The following TARS1 variants were observed in gnomAD, a reference collection of about 807,000 sequenced individuals.
TARS1 encodes threonine--tRNA ligase 1, cytoplasmic.
In TARS1, 57 loss-of-function variants were observed where a neutral mutation model predicts 97.7. The observed-to-expected ratio is 0.58, with a 90% CI of 0.47 to 0.73. TARS1 has a LOEUF of 0.73. Ranked by LOEUF, TARS1 falls within the 30% of genes least tolerant of loss-of-function variation. The probability of loss-of-function intolerance (pLI) is 0.00; values close to 1 mark genes in which losing one functional copy is unlikely to be tolerated. For missense variants in TARS1, 806 were observed against 888.3 expected (o/e 0.91, Z 1.18); for synonymous variants, 312 against 293.7 (o/e 1.06, Z -0.64).
chr5:33,444,276 G>T (rs1350681292), intron 1 of TARS1, among the ~76,000 whole-genome samples: 1 of 152,212 alleles, frequency 6.6e-6, no homozygotes, highest in African/African-American at 2.4e-5. Flanking sequence ...GGAGTAAACT[G>T]CTAATGGGTA....
intron 4 of TARS1, among the ~76,000 whole-genome samples, 158 bp downstream of exon 4, chr5:33,453,570 A>G (rs1488949963): frequency 1.3e-5 from 2 of 152,212 alleles, no homozygotes; most frequent in African/African-American, 4.8e-5. Flanking sequence ...GGAACATAAT[A>G]AAAGTGCTTG....
At chr5:33,444,790 C>T (rs1741325260) in intron 1 of TARS1, among the ~76,000 whole-genome samples, 1 of 152,046 alleles carries the variant, frequency 6.6e-6, no homozygotes. Context: ...GACATCTAAT[C>T]GTAGCGTTAC....
chr5:33,466,681 T>A (rs1742541655), intron 17 of TARS1, 190 bp from the exon 18 acceptor site: 1 of 420,244 alleles, frequency 2.4e-6, no homozygotes, highest in African/African-American at 2.1e-5. Flanking sequence ...CCTGAGGTAA[T>A]AAAGAGGAGC....
intron 2 of TARS1, chr5:33,446,480 A>G: frequency 5.3e-6 from 2 of 378,618 alleles, no homozygotes; most frequent in Non-Finnish European, 1.1e-5. Flanking sequence ...TAAGACAAAG[A>G]GTATAATTAG....
At chr5:33,452,668 T>C (rs753961953) in intron 3 of TARS1, among the ~76,000 whole-genome samples, 2 of 152,306 alleles carry the variant, frequency 1.3e-5, no homozygotes, top group Admixed American at 6.5e-5. Context: ...AATATTATCA[T>C]AGGCATTTGC....
chr5:33,451,875 C>T (rs1240695175), intron 3 of TARS1, among the ~76,000 whole-genome samples: 1 of 152,118 alleles, frequency 6.6e-6, no homozygotes, highest in Non-Finnish European at 1.5e-5. Context: ...CTTTAATCTC[C>T]TGAAAACTGT....
intron 1 of TARS1, 106 bp downstream of exon 1, chr5:33,441,249 C>A: frequency 7.2e-7 from 1 of 1,397,318 alleles, no homozygotes; most frequent in African/African-American, 1.4e-5. Context: ...CGGCCGGGAC[C>A]GCGTGGGTCG....
In TARS1 at chr5:33,455,716, C is replaced by A; in HGVS notation, c.693+12C>A. On this transcript the variant is annotated intron_variant, in intron 6 of 18. Transcript: ENST00000265112. ...TGGCAATGTTTAAGGTAAATTGAACCATAGTGCGTGGCCCCCACTGTTAAT... is the reference window on the plus strand; with the variant it reads ...TGGCAATGTTTAAGGTAAATTGAACAATAGTGCGTGGCCCCCACTGTTAAT... 6.5e-7 allele frequency: 1 copy of A among 1,537,150 alleles called. No individual in the cohort carries two copies. The highest frequency in any genetic ancestry group is 1.1e-5 in the South Asian group (1 of 88,814).
intron 1 of TARS1, among the ~76,000 whole-genome samples, chr5:33,443,277 T>G (rs1043113006): frequency 2.9e-5 from 4 of 138,458 alleles, no homozygotes; most frequent in Non-Finnish European, 6.1e-5. Flanking sequence ...GGAGCCGTAT[T>G]TAGAACCAGA....
At chr5:33,457,860 T>C (rs2111562101) in intron 9 of TARS1, among the ~76,000 whole-genome samples, 1 of 152,270 alleles carries the variant, frequency 6.6e-6, no homozygotes, top group South Asian at 2.1e-4. Context: ...GAATGTCCTC[T>C]AAACTGGAAG....
In TARS1 at chr5:33,466,977, T is replaced by C. The variant is rs778166209; in HGVS notation, c.2015T>C (p.Phe672Ser). 1 of 1,555,356 alleles carries C rather than the reference T, an allele frequency of 6.4e-7. No individual in the cohort carries two copies. The highest frequency in any genetic ancestry group is 8.7e-7 in the Non-Finnish European group (1 of 1,150,708). ...IRNAQLAQYNFILVVGEKEKI... is the reference protein window; with the variant it reads ...IRNAQLAQYNSILVVGEKEKI... ...AATGCACAGTTAGCACAGTATAACT[T>C]CATTTTAGGTAAGAATGGAAACTTA... is the stretch of plus-strand genomic sequence containing the variant. The change falls in exon 18 of 19, where the codon TTC (phenylalanine) becomes TCC (serine). Residue 672 changes from phenylalanine to serine, a missense_variant. By Grantham distance (155) the Phe-to-Ser change is radical. Coordinates refer to ENST00000265112, the MANE Select transcript of TARS1 (RefSeq NM_152295.5).
chr5:33,453,151 T>C, intron 3 of TARS1, 138 bp from the exon 4 acceptor site: 1 of 1,136,508 alleles, frequency 8.8e-7, no homozygotes, highest in Non-Finnish European at 1.1e-6. Context: ...GTTTTTATCA[T>C]TATATTTCAG....
intron 9 of TARS1, 105 bp downstream of exon 9, chr5:33,457,508 G>A (rs1742087151): frequency 2.3e-6 from 3 of 1,324,370 alleles, no homozygotes; most frequent in Non-Finnish European, 3.1e-6. Flanking sequence ...TTGAAGAGAT[G>A]TTGTGGCTTT....
chr5:33,454,451 T>C (rs1284416382), intron 4 of TARS1, among the ~76,000 whole-genome samples: 1 of 152,238 alleles, frequency 6.6e-6, no homozygotes, highest in African/African-American at 2.4e-5. Flanking sequence ...ATGTTTGTCC[T>C]CGTGTTTTGT....
Position 33,448,530 on chromosome 5 carries a change from T to A in TARS1, c.139-11T>A. 6.5e-7 allele frequency: 1 copy of A among 1,549,286 alleles called. No individual in the cohort carries two copies. The highest frequency in any genetic ancestry group is 8.7e-7 in the Non-Finnish European group (1 of 1,146,310). On this transcript the variant is annotated splice_polypyrimidine_tract_variant and intron_variant, in intron 2 of 18. Transcript: ENST00000265112. ...GATCATTTATTTCCTGATTTGTTTG[T>A]TGTCTTGCAGTTGAATCCTTGGCCT... is the stretch of plus-strand genomic sequence containing the variant.
chr5:33,453,185 A>C, intron 3 of TARS1, 104 bp from the exon 4 acceptor site: 1 of 1,281,838 alleles, frequency 7.8e-7, no homozygotes, highest in East Asian at 2.8e-5. Flanking sequence ...CATCAATATA[A>C]AAAAACAATA....
At chr5:33,442,156 A>G (rs1741132904) in intron 1 of TARS1, among the ~76,000 whole-genome samples, 1 of 152,144 alleles carries the variant, frequency 6.6e-6, no homozygotes, top group South Asian at 2.1e-4. Context: ...CTGTGACAGG[A>G]CAGTTCACTT....
At chr5:33,461,801 C>T (rs368815170) in intron 14 of TARS1, 57 bp downstream of exon 14, 105 of 1,594,090 alleles carry the variant, frequency 6.6e-5, no homozygotes, top group Non-Finnish European at 8.3e-5. Context: ...GAAGAAGATA[C>T]GACTTCGAAA....
intron 3 of TARS1, among the ~76,000 whole-genome samples, chr5:33,450,556 G>T (rs1741683583): frequency 2.0e-5 from 3 of 152,178 alleles, no homozygotes; most frequent in Admixed American, 2.0e-4. Flanking sequence ...GTAATACCAT[G>T]CAAGTTTCTA....
Sources: allele counts gnomAD v4.1 joint callset (sites outside exome capture counted in the v4.1 genomes callset), GRCh38; gene constraint gnomAD v4.1.1; transcripts MANE v1.5; gene names NCBI Gene and HGNC (gene_info 2026-07-23, HGNC 2026-07-21).